Variants in BRD10 observed in about 807,000 individuals in gnomAD.
BRD10 encodes bromodomain containing 10.
At chr9:5,994,908 T>TTTC in the BRD10 span, among the ~76,000 whole-genome samples, 1 of 151,838 alleles carries the variant, frequency 6.6e-6, no homozygotes. Flanking sequence ...TTTCTTTTTT[T>TTTC]TTTTTTTTGA....
the BRD10 span, among the ~76,000 whole-genome samples, chr9:5,949,551 A>G: frequency 2.0e-5 from 3 of 152,328 alleles, no homozygotes; most frequent in African/African-American, 4.8e-5. Context: ...ACAATGTAAT[A>G]TAAGTCTTAG....
At chr9:5,890,684 G>A in the BRD10 span, 8 of 152,100 alleles carry the variant, frequency 5.3e-5, no homozygotes, top group African/African-American at 1.9e-4. Flanking sequence ...AAAATAAATG[G>A]CTTCCCTAGG....
At chr9:5,902,643 T>C in the BRD10 span, among the ~76,000 whole-genome samples, 1 of 151,698 alleles carries the variant, frequency 6.6e-6, no homozygotes, top group Non-Finnish European at 1.5e-5. Context: ...GATTATAGCA[T>C]GTGCCTCCAG....
the BRD10 span, among the ~76,000 whole-genome samples, chr9:5,971,725 G>T: frequency 9.9e-5 from 15 of 151,886 alleles, no homozygotes; most frequent in Non-Finnish European, 2.1e-4. Flanking sequence ...GAGTTTTATG[G>T]AGTTTTATTT....
At chr9:5,881,022 A>G in the BRD10 span, among the ~76,000 whole-genome samples, 2 of 152,214 alleles carry the variant, frequency 1.3e-5, no homozygotes, top group African/African-American at 4.8e-5. Flanking sequence ...TAAAATTATA[A>G]GATCTCACCC....
At chr9:5,968,471 TC>T in the BRD10 span, 1 of 1,611,698 alleles carries the variant, frequency 6.2e-7, no homozygotes, top group Non-Finnish European at 8.5e-7. Context: ...CTCTAAATTT[TC>T]TTTACAACAA....
the BRD10 span, chr9:5,988,647 G>C: frequency 1.3e-6 from 1 of 797,434 alleles, no homozygotes; most frequent in South Asian, 1.6e-5. Flanking sequence ...ATACATAAAA[G>C]TATTTAAACC....
At chr9:5,895,161 C>T in the BRD10 span, among the ~76,000 whole-genome samples, 2 of 152,192 alleles carry the variant, frequency 1.3e-5, no homozygotes, top group African/African-American at 4.8e-5. Flanking sequence ...ATGGCCAAAG[C>T]TTCCAGCACA....
At chr9:5,986,864 T>C in the BRD10 span, among the ~76,000 whole-genome samples, 1 of 152,220 alleles carries the variant, frequency 6.6e-6, no homozygotes, top group South Asian at 2.1e-4. Context: ...ATGTTTTCAT[T>C]ATCATATTAA....
At chr9:6,008,372 A>G in the BRD10 span, 1 of 942,060 alleles carries the variant, frequency 1.1e-6, no homozygotes. Flanking sequence ...GAGGGGGGAG[A>G]AAGGGGAGGG....
the BRD10 span, among the ~76,000 whole-genome samples, chr9:5,889,496 T>C: frequency 6.6e-6 from 1 of 152,152 alleles, no homozygotes; most frequent in African/African-American, 2.4e-5. Flanking sequence ...TTAATAAAGA[T>C]GTGTTTGAGG....
the BRD10 span, among the ~76,000 whole-genome samples, chr9:5,929,630 T>C: frequency 6.6e-6 from 1 of 152,130 alleles, no homozygotes; most frequent in Non-Finnish European, 1.5e-5. Context: ...ATTATTTTAT[T>C]TTACAATGTT....
chr9:5,924,624 C>T, the BRD10 span: 1 of 1,310,208 alleles, frequency 7.6e-7, no homozygotes, highest in Non-Finnish European at 1.0e-6. Context: ...TTTGTGCCTT[C>T]AGTGTTGACT....
the BRD10 span, chr9:5,920,590 G>C: frequency 6.2e-7 from 1 of 1,613,864 alleles, no homozygotes; most frequent in Non-Finnish European, 8.5e-7. Context: ...GTTTATTTGT[G>C]TTTACATTTG....
chr9:5,913,983 A>T, the BRD10 span: 2 of 452,220 alleles, frequency 4.4e-6, no homozygotes, highest in Non-Finnish European at 8.9e-6. Flanking sequence ...ACTTTCTGCT[A>T]TCAAAACTTG....
At chr9:5,942,953 C>A in the BRD10 span, among the ~76,000 whole-genome samples, 1 of 152,176 alleles carries the variant, frequency 6.6e-6, no homozygotes, top group Non-Finnish European at 1.5e-5. Context: ...TCACAGCTCA[C>A]TGCAGCCTCG....
chr9:5,991,180 GTA>G, the BRD10 span, among the ~76,000 whole-genome samples: 3,390 of 150,286 alleles, frequency 0.023, 132 homozygotes, highest in African/African-American at 0.078. Flanking sequence ...GTGTGTGTGT[GTA>G]TATATATATA....
At chr9:5,891,008 A>C in the BRD10 span, 1 of 152,194 alleles carries the variant, frequency 6.6e-6, no homozygotes, top group Non-Finnish European at 1.5e-5. Context: ...ATTCTGGCTA[A>C]GTCCTCTGCC....
At chr9:5,986,923 C>T in the BRD10 span, among the ~76,000 whole-genome samples, 5 of 152,172 alleles carry the variant, frequency 3.3e-5, no homozygotes, top group Admixed American at 2.6e-4. Flanking sequence ...CCTGGACTCA[C>T]CTTTTCAAGC....
Sources: gnomAD v4.1 joint callset for allele counts (sites outside exome capture counted in the v4.1 genomes callset) on GRCh38, gnomAD v4.1.1 for gene constraint, MANE v1.5 for transcripts, NCBI Gene and HGNC (gene_info 2026-07-23, HGNC 2026-07-21) for gene names.